The following CCDC148 variants were observed in gnomAD, a reference collection of about 807,000 sequenced individuals.
CCDC148 encodes coiled-coil domain-containing protein 148.
A neutral mutation model predicts 85.7 loss-of-function variants in CCDC148; 89 were observed. The ratio of observed to expected loss-of-function variants is 1.04; its 90% confidence interval spans 0.87 to 1.24. CCDC148 has a LOEUF of 1.24. Ranked by LOEUF, CCDC148 falls within the 50% of genes most tolerant of loss-of-function variation. CCDC148 has a pLI of 0.00. For synonymous variants in CCDC148, 230 were observed against 213.9 expected, an observed-to-expected ratio of 1.08 and a Z score of -0.66; for missense variants, 692 against 671.7, an observed-to-expected ratio of 1.03 and a Z score of -0.33.
At chr2:158,310,103 G>C (rs545024453) in intron 8 of CCDC148, among the ~76,000 whole-genome samples, 2 of 152,182 alleles carry the variant, frequency 1.3e-5, no homozygotes, top group Non-Finnish European at 2.9e-5. Context: ...CTGGGTACTT[G>C]AGATTAGGGA....
chr2:158,374,856 G>A (rs979651019), intron 1 of CCDC148, among the ~76,000 whole-genome samples: 1 of 151,778 alleles, frequency 6.6e-6, no homozygotes, highest in Non-Finnish European at 1.5e-5. Context: ...ATAGAAAATG[G>A]TGTAGTTTTG....
At chr2:158,353,074 A>C (rs548366040) in intron 2 of CCDC148, among the ~76,000 whole-genome samples, 1 of 152,042 alleles carries the variant, frequency 6.6e-6, no homozygotes, top group South Asian at 2.1e-4. Flanking sequence ...CTCCTGAAGG[A>C]AGCCCTAAAC....
intron 10 of CCDC148, 39 bp downstream of exon 10, chr2:158,250,733 C>T: frequency 1.3e-6 from 2 of 1,502,862 alleles, no homozygotes; most frequent in Non-Finnish European, 1.8e-6. Context: ...GGCCATTAAG[C>T]ATTCATTCAC....
intron 9 of CCDC148, among the ~76,000 whole-genome samples, chr2:158,291,105 T>G (rs1690873131): frequency 6.6e-6 from 1 of 152,034 alleles, no homozygotes; most frequent in African/African-American, 2.4e-5. Flanking sequence ...GCTATGAGAC[T>G]GATCCTCTTT....
intron 9 of CCDC148, among the ~76,000 whole-genome samples, chr2:158,267,718 G>A (rs756428401): frequency 5.9e-5 from 9 of 152,160 alleles, no homozygotes; most frequent in Non-Finnish European, 8.8e-5. Flanking sequence ...CTGAAAAAGT[G>A]TCCATTATCT....
chr2:158,213,458 A>T (rs1346952788), intron 11 of CCDC148, among the ~76,000 whole-genome samples: 1 of 152,232 alleles, frequency 6.6e-6, no homozygotes, highest in Non-Finnish European at 1.5e-5. Context: ...ATCCTTATTA[A>T]AGCAATAATT....
intron 2 of CCDC148, among the ~76,000 whole-genome samples, chr2:158,349,920 G>A (rs375563968): frequency 1.2e-4 from 18 of 152,212 alleles, no homozygotes; most frequent in African/African-American, 4.1e-4. Flanking sequence ...AAAAATGGAA[G>A]CAAAAGCTTG....
At chr2:158,409,276 TG>T (rs1686157042) in intron 1 of CCDC148, among the ~76,000 whole-genome samples, 1 of 152,074 alleles carries the variant, frequency 6.6e-6, no homozygotes, top group Non-Finnish European at 1.5e-5. Context: ...GCTTGTACCA[TG>T]AGCCTGGAAA....
rs1687238464 is a variant in CCDC148, at chr2:158,222,466, C to T, written c.1252-1753G>A. 2.0e-5 allele frequency among the ~76,000 whole-genome samples: 3 copies of T among 151,774 alleles called. No individual in the cohort carries two copies. The South Asian group carries it at 6.2e-4, about 31-fold the overall frequency. On this transcript the variant is annotated intron_variant, in intron 10 of 13. Coordinates refer to ENST00000283233, the MANE Select transcript of CCDC148 (RefSeq NM_138803.4). ...GTATAAGTGTGCTCTCTCCCTCTCT[C>T]TCTTTCTCTCTCTCTCTCTCTCTAA...
chr2:158,277,052 C>T (rs1371213637), intron 9 of CCDC148, among the ~76,000 whole-genome samples: 2 of 152,210 alleles, frequency 1.3e-5, no homozygotes, highest in Non-Finnish European at 2.9e-5. Context: ...TAGCTCAACT[C>T]TCCTCTTTGA....
At chr2:158,401,768 A>G (rs1349252005) in intron 1 of CCDC148, among the ~76,000 whole-genome samples, 1 of 152,052 alleles carries the variant, frequency 6.6e-6, no homozygotes, top group Non-Finnish European at 1.5e-5. Context: ...TTCTGACTCA[A>G]GTAAGACAAG....
At chr2:158,329,566 T>C (rs1692982612) in intron 7 of CCDC148, among the ~76,000 whole-genome samples, 1 of 152,142 alleles carries the variant, frequency 6.6e-6, no homozygotes, top group African/African-American at 2.4e-5. Context: ...GGTAGCTTGA[T>C]GGGGATGGCA....
intron 8 of CCDC148, among the ~76,000 whole-genome samples, chr2:158,312,761 G>T (rs779940347): frequency 6.6e-6 from 1 of 152,108 alleles, no homozygotes; most frequent in Non-Finnish European, 1.5e-5. Context: ...TAAAAATCCA[G>T]AGTGAACTAT....
chr2:158,338,393 A>G (rs1485624291), intron 7 of CCDC148, among the ~76,000 whole-genome samples: 2 of 152,164 alleles, frequency 1.3e-5, no homozygotes, highest in Non-Finnish European at 2.9e-5. Flanking sequence ...CCATTGTATC[A>G]ATTACTGCAG....
chr2:158,328,785 T>A (rs1304801417), intron 7 of CCDC148, among the ~76,000 whole-genome samples: 1 of 152,258 alleles, frequency 6.6e-6, no homozygotes, highest in East Asian at 1.9e-4. Flanking sequence ...CATTTTTTCA[T>A]GTGTCTGCTG....
intron 9 of CCDC148, among the ~76,000 whole-genome samples, chr2:158,252,359 C>T (rs1688828880): frequency 6.6e-6 from 1 of 151,582 alleles, no homozygotes; most frequent in Non-Finnish European, 1.5e-5. Context: ...ATCATATTGA[C>T]CTTTTTCTTG....
At position 158,194,865 on chromosome 2, in the gene CCDC148, C is replaced by T. The variant is rs756045439; in HGVS notation, c.1371-15869G>A. Among the ~76,000 whole-genome samples, 28 of 151,992 alleles carry T rather than the reference C, an allele frequency of 1.8e-4. 1 individual carries two copies. The highest frequency in any genetic ancestry group is 9.2e-4 in the Admixed American group (14 of 15,232). On this transcript the variant is annotated intron_variant, in intron 11 of 13. Transcript: ENST00000283233. ...GAACTCCTCTGACTATTATGTTATT[C>T]TCTTTCCAGCATCCCATCCCCCATC...
chr2:158,324,950 C>T (rs983135238), intron 7 of CCDC148, among the ~76,000 whole-genome samples: 6 of 152,046 alleles, frequency 3.9e-5, no homozygotes, highest in Non-Finnish European at 8.8e-5. Context: ...CTTATTCCTC[C>T]ACTTGTGTAC....
intron 9 of CCDC148, among the ~76,000 whole-genome samples, chr2:158,276,148 C>G (rs905281289): frequency 5.3e-5 from 8 of 152,004 alleles, no homozygotes; most frequent in African/African-American, 1.9e-4. Flanking sequence ...CATTAAAAAC[C>G]GCCTTGCCTC....
Sources: gnomAD v4.1 joint callset for allele counts (sites outside exome capture counted in the v4.1 genomes callset) on GRCh38, gnomAD v4.1.1 for gene constraint, MANE v1.5 for transcripts, NCBI Gene and HGNC (gene_info 2026-07-23, HGNC 2026-07-21) for gene names.